PCDH11X: variants seen among roughly 807,000 people sequenced by gnomAD.
PCDH11X encodes the protein protocadherin-11 X-linked.
In PCDH11X, 18 loss-of-function variants were observed where a neutral mutation model predicts 53.3. The ratio of observed to expected loss-of-function variants is 0.34; its 90% CI spans 0.23 to 0.50. PCDH11X has a LOEUF of 0.50. Ranked by LOEUF, PCDH11X falls within the 20% of genes least tolerant of loss-of-function variation. The pLI, the probability that PCDH11X is intolerant of heterozygous loss-of-function variation, is 0.98. For synonymous variants in PCDH11X, 279 were observed against 393.3 expected, an observed-to-expected ratio of 0.71 and a Z score of 3.44; for missense variants, 570 against 1,032.4, an observed-to-expected ratio of 0.55 and a Z score of 6.14.
intron 10 of PCDH11X, among the ~76,000 whole-genome samples, chrX:92,559,585 A>C (rs1453525880): frequency 6.3e-5 from 7 of 111,449 alleles, no homozygotes; most frequent in African/African-American, 2.0e-4. Context: ...TACTGGTGCC[A>C]CCTCTCCTTC....
chrX:91,944,761 T>C, intron 6 of PCDH11X, among the ~76,000 whole-genome samples: 2 of 109,466 alleles, frequency 1.8e-5, no homozygotes, highest in East Asian at 5.9e-4. Flanking sequence ...ACTAGGATAT[T>C]TATCATTTAG....
chrX:92,322,917 G>A (rs868772583), intron 8 of PCDH11X, among the ~76,000 whole-genome samples: 2 of 111,159 alleles, frequency 1.8e-5, no homozygotes, highest in South Asian at 7.6e-4. Flanking sequence ...CAAACAGGTC[G>A]TGTTTCCTCT....
intron 6 of PCDH11X, among the ~76,000 whole-genome samples, chrX:91,971,241 C>CA (rs11320571): frequency 1.0e-3 from 103 of 102,961 alleles, no homozygotes; most frequent in East Asian, 2.1e-3. Context: ...CTGATTATTA[C>CA]AAAAAAAAAA....
At chrX:91,859,279 T>C (rs1938525969) in intron 5 of PCDH11X, among the ~76,000 whole-genome samples, 1 of 109,636 alleles carries the variant, frequency 9.1e-6, no homozygotes, top group Admixed American at 9.8e-5. Context: ...TTTTGAGAAT[T>C]GTCTGTTCAT....
chrX:92,215,397 T>A (rs1306065097), intron 7 of PCDH11X, among the ~76,000 whole-genome samples: 1 of 106,584 alleles, frequency 9.4e-6, no homozygotes, highest in Non-Finnish European at 1.9e-5. Context: ...ACCAGGAGAT[T>A]ATATCCTGCA....
chrX:92,084,643 T>C lies in PCDH11X; in HGVS notation c.3034-116732T>C, dbSNP rs35751719. On this transcript the variant is annotated intron_variant, in intron 6 of 10. Transcript: ENST00000682573. ...CATAATATTGAGAAAGATTTTATTA[T>C]ACTTCTACAAAAACTCTGAGAGTGC... Among the ~76,000 whole-genome samples, 5 of 111,657 alleles carry C rather than the reference T, an allele frequency of 4.5e-5. No homozygotes were observed. The Admixed American group carries it at 4.8e-4, about 11-fold the overall frequency.
chrX:92,398,429 C>G (rs1274042983), intron 9 of PCDH11X, among the ~76,000 whole-genome samples: 1 of 110,660 alleles, frequency 9.0e-6, no homozygotes, highest in Non-Finnish European at 1.9e-5. Context: ...CTATTTTTTG[C>G]AGAAAGAAAA....
intron 8 of PCDH11X, among the ~76,000 whole-genome samples, chrX:92,285,417 CA>C (rs1343847408): frequency 9.1e-6 from 1 of 109,410 alleles, no homozygotes; most frequent in Non-Finnish European, 1.9e-5. Context: ...CCATGCCCGG[CA>C]AATCTTGTAG....
chrX:91,877,314 A>G lies in PCDH11X; in HGVS notation c.1074A>G (p.Arg358=). The part of the protein sequence containing the change: ...VNDNVPSIDI[R]YIVNPVNDTV... ...ATAATGTCCCATCCATTGACATAAGATACATCGTCAATCCTGTCAATGACA... is the reference window on the plus strand; with the variant it reads ...ATAATGTCCCATCCATTGACATAAGGTACATCGTCAATCCTGTCAATGACA... Residue 358 remains arginine (R), a synonymous_variant, in exon 6 of 11, where the codon AGA becomes AGG. Coordinates refer to ENST00000682573, the MANE Select transcript of PCDH11X (RefSeq NM_032968.5). The G allele has an allele frequency of 8.7e-7, 1 of 1,150,399 alleles. No individual in the cohort carries two copies. The highest frequency in any genetic ancestry group is 1.2e-6 in the Non-Finnish European group (1 of 849,448). 94.8% of individuals were successfully genotyped at this position (1,150,399 alleles called of 1,213,427 possible).
At chrX:92,154,666 A>C (rs1387193635) in intron 6 of PCDH11X, among the ~76,000 whole-genome samples, 5 of 110,965 alleles carry the variant, frequency 4.5e-5, no homozygotes, top group Non-Finnish European at 9.4e-5. Flanking sequence ...GCGGAAGAAG[A>C]CACAAGCGGC....
At chrX:92,468,198 C>G (rs1020167700) in intron 9 of PCDH11X, 101 bp from the exon 10 acceptor site, 26 of 902,471 alleles carry the variant, frequency 2.9e-5, no homozygotes, top group Admixed American at 3.9e-5. Flanking sequence ...AAATATATTG[C>G]AATACCTTAC....
At chrX:92,012,522 C>T (rs879956703) in intron 6 of PCDH11X, among the ~76,000 whole-genome samples, 89 of 111,387 alleles carry the variant, frequency 8.0e-4, no homozygotes, top group African/African-American at 2.0e-3. Context: ...AAGTACTTTT[C>T]GCAAGTTTGT....
In PCDH11X at chrX:91,983,194, T is replaced by G. The variant is rs1336989464; in HGVS notation, c.3033+103921T>G. 16 of 848,618 alleles carry G rather than the reference T, an allele frequency of 1.9e-5. 1 individual carries two copies. The highest frequency in any genetic ancestry group is 2.7e-5 in the Non-Finnish European group (15 of 565,429). The allele number at this position is 848,618 out of a possible 1,213,427, so 69.9% of individuals were successfully genotyped here. A position where few individuals can be genotyped will look rare whatever the true frequency, so the allele number is the denominator to read the frequency against. ...GCATCTTTTTTCCCCCAGTCTTAGG[T>G]AAGAAGGATGAATCGAAGGTCAGCT... On this transcript the variant is annotated intron_variant, in intron 6 of 10. Transcript: ENST00000682573.
At chrX:92,353,922 A>C (rs1392190673) in intron 8 of PCDH11X, among the ~76,000 whole-genome samples, 4 of 102,891 alleles carry the variant, frequency 3.9e-5, no homozygotes, top group Admixed American at 1.1e-4. Context: ...GTCACTGTTA[A>C]ATGAGGTAAA....
rs200352451 is a variant in PCDH11X, at chrX:92,439,993, T to TA, written c.3344-28299dup. On this transcript the variant is annotated intron_variant, in intron 9 of 10. Transcript: ENST00000682573. ...GACAATGTTTTGATAGCTAGTTTTT[T>TA]AAAAAAACAATTTTATTCTCTTTTA... Among the ~76,000 whole-genome samples, 506 of 87,676 alleles carry TA rather than the reference T, an allele frequency of 5.8e-3. 15 individuals carry two copies. The East Asian group carries it at 0.12, about 20-fold the overall frequency. 76.1% of individuals were successfully genotyped at this position (87,676 alleles called of 115,157 possible). A position where few individuals can be genotyped will look rare whatever the true frequency, so the allele number is the denominator to read the frequency against.
At chrX:92,317,256 TAG>T (rs759498451) in intron 8 of PCDH11X, among the ~76,000 whole-genome samples, 6 of 106,296 alleles carry the variant, frequency 5.6e-5, no homozygotes, top group African/African-American at 1.7e-4. Context: ...GATTTGTCTT[TAG>T]AGAGTCCTTC....
At chrX:92,346,885 C>A (rs2069911229) in intron 8 of PCDH11X, among the ~76,000 whole-genome samples, 2 of 111,108 alleles carry the variant, frequency 1.8e-5, no homozygotes, top group Admixed American at 9.6e-5. Flanking sequence ...ATATTTTTCC[C>A]TAGAAAATGT....
At chrX:92,094,133 ATGTGTG>A (rs58997781) in intron 6 of PCDH11X, among the ~76,000 whole-genome samples, 37,445 of 93,837 alleles carry the variant, frequency 0.4, 6,710 homozygotes, top group Non-Finnish European at 0.52. Context: ...AAAAAGTAAT[ATGTGTG>A]TGTGTGTGTG....
At chrX:92,033,458 G>C (rs1042292574) in intron 6 of PCDH11X, among the ~76,000 whole-genome samples, 1 of 107,587 alleles carries the variant, frequency 9.3e-6, no homozygotes, top group African/African-American at 3.4e-5. Context: ...ATTTCTGCAT[G>C]GTTCAATATT....
Sources: gnomAD v4.1 joint callset for allele counts (sites outside exome capture counted in the v4.1 genomes callset) on GRCh38, gnomAD v4.1.1 for gene constraint, MANE v1.5 for transcripts, NCBI Gene and HGNC (gene_info 2026-07-23, HGNC 2026-07-21) for gene names.